KLF12: variants seen among roughly 807,000 people sequenced by gnomAD.
The protein encoded by KLF12 is Krueppel-like factor 12.
Under a neutral mutation model 37.8 loss-of-function variants are expected in KLF12, and 9 were observed. The ratio of observed to expected loss-of-function variants is 0.24; its 90% CI spans 0.14 to 0.42. The LOEUF (loss-of-function observed/expected upper bound fraction) is 0.42. Ranked by LOEUF, KLF12 falls within the 10% of genes least tolerant of loss-of-function variation. The pLI is 1.00. For missense variants in KLF12, 411 were observed against 516.0 expected, an observed-to-expected ratio of 0.80 and a Z score of 1.97; for synonymous variants, 208 against 202.1, an observed-to-expected ratio of 1.03 and a Z score of -0.25.
the KLF12 span, among the ~76,000 whole-genome samples, chr13:74,267,303 C>G: frequency 1.3e-5 from 2 of 152,130 alleles, no homozygotes; most frequent in Non-Finnish European, 2.9e-5. Flanking sequence ...CAAAATGTAT[C>G]CTTATAAGAG....
At chr13:74,265,774 T>A in the KLF12 span, among the ~76,000 whole-genome samples, 1 of 152,350 alleles carries the variant, frequency 6.6e-6, no homozygotes, top group East Asian at 1.9e-4. Flanking sequence ...TCACATTTAC[T>A]TCTTAACTCA....
At chr13:73,859,388 G>A (rs1238760225) in intron 3 of KLF12, among the ~76,000 whole-genome samples, 3 of 152,212 alleles carry the variant, frequency 2.0e-5, no homozygotes, top group Non-Finnish European at 2.9e-5. Flanking sequence ...TAAACCTACG[G>A]GTAATTCCTA....
At chr13:74,177,775 G>T in the KLF12 span, among the ~76,000 whole-genome samples, 2 of 152,168 alleles carry the variant, frequency 1.3e-5, no homozygotes, top group Admixed American at 6.5e-5. Context: ...GGAAGCAGTG[G>T]ATTTGTGGTT....
At chr13:74,167,941 G>A in the KLF12 span, among the ~76,000 whole-genome samples, 1 of 152,196 alleles carries the variant, frequency 6.6e-6, no homozygotes, top group East Asian at 1.9e-4. Context: ...AAATTAAAGT[G>A]GAAGAATGTT....
chr13:73,884,492 G>A lies in KLF12; in HGVS notation c.124-38119C>T, dbSNP rs555651847. 9.2e-5 allele frequency among the ~76,000 whole-genome samples: 14 copies of A among 152,262 alleles called. No homozygotes were observed. The South Asian group carries it at 2.3e-3, about 25-fold the overall frequency. On this transcript the variant is annotated intron_variant, in intron 3 of 7. Coordinates refer to ENST00000377669, the MANE Select transcript of KLF12 (RefSeq NM_007249.5). Reference sequence around the variant, plus strand: ...CAGGAACACTGGACCCAATGCCATCGAGGGCCCTGCTCTGGTCTGCCTCTG... The same window carrying A: ...CAGGAACACTGGACCCAATGCCATCAAGGGCCCTGCTCTGGTCTGCCTCTG...
chr13:74,150,689 G>A, the KLF12 span, among the ~76,000 whole-genome samples: 1 of 152,060 alleles, frequency 6.6e-6, no homozygotes, highest in Non-Finnish European at 1.5e-5. Context: ...TGTGCTTTGG[G>A]GCCATTAGTA....
chr13:74,210,252 C>A, the KLF12 span, among the ~76,000 whole-genome samples: 1 of 152,124 alleles, frequency 6.6e-6, no homozygotes, highest in Non-Finnish European at 1.5e-5. Flanking sequence ...AACATGGTGA[C>A]TTGGTAACTA....
At chr13:73,827,594 T>C (rs577737793) in intron 4 of KLF12, among the ~76,000 whole-genome samples, 1 of 152,342 alleles carries the variant, frequency 6.6e-6, no homozygotes, top group East Asian at 1.9e-4. Flanking sequence ...ACAGAGTCTC[T>C]GTCACCCAGG....
chr13:73,981,350 G>T (rs946717375), intron 2 of KLF12, among the ~76,000 whole-genome samples: 4 of 152,056 alleles, frequency 2.6e-5, no homozygotes, highest in African/African-American at 9.7e-5. Flanking sequence ...ATAGCAAAAA[G>T]CTTAAAAGAA....
intron 1 of KLF12, among the ~76,000 whole-genome samples, chr13:74,031,502 GTAA>G (rs949582096): frequency 1.3e-5 from 2 of 152,026 alleles, no homozygotes; most frequent in African/African-American, 4.8e-5. Context: ...TATGTTACTG[GTAA>G]TAACTTAACT....
chr13:73,818,745 C>A (rs1402411761), intron 4 of KLF12, among the ~76,000 whole-genome samples: 1 of 152,258 alleles, frequency 6.6e-6, no homozygotes, highest in African/African-American at 2.4e-5. Context: ...TTCACCTCCA[C>A]GCGCCAGGGC....
intron 3 of KLF12, among the ~76,000 whole-genome samples, chr13:73,908,307 C>A (rs1280518834): frequency 6.7e-6 from 1 of 149,206 alleles, no homozygotes; most frequent in Non-Finnish European, 1.5e-5. Context: ...GAGGCTGAGG[C>A]GGGAGAATCG....
At chr13:73,742,974 C>T (rs1031187324) in intron 6 of KLF12, among the ~76,000 whole-genome samples, 1 of 151,892 alleles carries the variant, frequency 6.6e-6, no homozygotes, top group Non-Finnish European at 1.5e-5. Context: ...TTAATGTCAA[C>T]CTCTCATTAA....
chr13:74,160,001 C>CAA, the KLF12 span, among the ~76,000 whole-genome samples: 33 of 95,746 alleles, frequency 3.4e-4, no homozygotes, highest in African/African-American at 1.2e-3. Context: ...GACCTTGTCT[C>CAA]AAAAAAAAAA....
intron 6 of KLF12, among the ~76,000 whole-genome samples, chr13:73,727,066 T>A (rs1242496082): frequency 6.6e-6 from 1 of 152,228 alleles, no homozygotes; most frequent in Non-Finnish European, 1.5e-5. Flanking sequence ...CCTGTGCTCA[T>A]GGGCCATTTG....
At chr13:73,765,166 C>A (rs1473259698) in intron 5 of KLF12, among the ~76,000 whole-genome samples, 166 bp from the exon 6 acceptor site, 2 of 152,272 alleles carry the variant, frequency 1.3e-5, no homozygotes, top group Admixed American at 1.3e-4. Context: ...CCTACGCCTG[C>A]AAATCTGTGG....
At position 73,867,429 on chromosome 13, in the gene KLF12, T is replaced by C. The variant is rs187980532; in HGVS notation, c.124-21056A>G. Reference sequence around the variant, plus strand: ...ACGTGTGTGTGTATATATATATATATACACACATACATATGACATATATAT... The same window carrying C: ...ACGTGTGTGTGTATATATATATATACACACACATACATATGACATATATAT... On this transcript the variant is annotated intron_variant, in intron 3 of 7. Transcript: ENST00000377669. 5.2e-3 allele frequency among the ~76,000 whole-genome samples: 787 copies of C among 151,248 alleles called. 4 individuals are homozygous for C. The highest frequency in any genetic ancestry group is 7.6e-3 in the Non-Finnish European group (516 of 67,918).
At chr13:74,239,617 T>G in the KLF12 span, among the ~76,000 whole-genome samples, 12,351 of 94,096 alleles carry the variant, frequency 0.13, 1,335 homozygotes, top group African/African-American at 0.38. Context: ...TTATGAATCT[T>G]GGTGCTCCTG....
chr13:73,744,946 T>C (rs1417743810), intron 6 of KLF12, among the ~76,000 whole-genome samples: 4 of 152,190 alleles, frequency 2.6e-5, no homozygotes, highest in Non-Finnish European at 4.4e-5. Flanking sequence ...TCTGAGGCCA[T>C]GGTTGCACTT....
Sources: allele counts gnomAD v4.1 joint callset (sites outside exome capture counted in the v4.1 genomes callset), GRCh38; gene constraint gnomAD v4.1.1; transcripts MANE v1.5; gene names NCBI Gene and HGNC (gene_info 2026-07-23, HGNC 2026-07-21).